The following GPHN variants were observed in gnomAD, a reference collection of about 807,000 sequenced individuals.
GPHN encodes gephyrin.
A neutral mutation model predicts 95.5 loss-of-function variants in GPHN; 17 were observed. The ratio of observed to expected loss-of-function variants is 0.18; its 90% confidence interval spans 0.12 to 0.27. GPHN has a LOEUF of 0.27. Ranked by LOEUF, GPHN falls within the 10% of genes least tolerant of loss-of-function variation. The probability of loss-of-function intolerance (pLI) is 1.00; values close to 1 mark genes in which losing one functional copy is unlikely to be tolerated. For missense variants in GPHN, 660 were observed against 978.1 expected (o/e 0.67, Z 4.34); for synonymous variants, 320 against 322.5 (o/e 0.99, Z 0.08).
At chr14:66,554,851 A>G (rs2059947828) in intron 1 of GPHN, among the ~76,000 whole-genome samples, 1 of 152,232 alleles carries the variant, frequency 6.6e-6, no homozygotes, top group Non-Finnish European at 1.5e-5. Flanking sequence ...GGTAGGTGAT[A>G]GGTACCTCCA....
At chr14:66,685,467 A>C (rs1041053939) in intron 2 of GPHN, among the ~76,000 whole-genome samples, 2 of 152,056 alleles carry the variant, frequency 1.3e-5, no homozygotes, top group African/African-American at 4.8e-5. Context: ...ATGGTATCTC[A>C]TTGTGGTTTT....
chr14:67,292,723 T>C, the GPHN span: 1 of 1,611,510 alleles, frequency 6.2e-7, no homozygotes, highest in South Asian at 1.1e-5. Context: ...TCAAGAGGTA[T>C]GTATTCTAAA....
the GPHN span, among the ~76,000 whole-genome samples, chr14:67,319,841 T>C: frequency 2.0e-5 from 3 of 152,230 alleles, no homozygotes; most frequent in Admixed American, 1.3e-4. Flanking sequence ...GTATACATTA[T>C]GTCTGATTCT....
chr14:66,912,477 A>C (rs1020188282), intron 5 of GPHN, among the ~76,000 whole-genome samples: 4 of 152,194 alleles, frequency 2.6e-5, no homozygotes, highest in Admixed American at 2.0e-4. Context: ...ATACATAAAC[A>C]AAAACAATGC....
At chr14:67,365,144 G>T in the GPHN span, 5 of 955,162 alleles carry the variant, frequency 5.2e-6, no homozygotes, top group Non-Finnish European at 7.4e-6. Context: ...ATACAAAGTT[G>T]TTAGAAAAGG....
chr14:67,463,670 C>G, the GPHN span, among the ~76,000 whole-genome samples: 2 of 145,314 alleles, frequency 1.4e-5, no homozygotes, highest in African/African-American at 2.6e-5. Flanking sequence ...AAAAAGATTG[C>G]TGTGCCGAGC....
chr14:67,592,443 TAA>T, the GPHN span: 9 of 554,294 alleles, frequency 1.6e-5, no homozygotes, highest in East Asian at 2.5e-4. Flanking sequence ...GTCTCTAAAA[TAA>T]AATAAAATGT....
At chr14:67,481,541 G>C in the GPHN span, among the ~76,000 whole-genome samples, 1 of 152,222 alleles carries the variant, frequency 6.6e-6, no homozygotes, top group African/African-American at 2.4e-5. Context: ...ATAGGAGACA[G>C]TGTCATTGGC....
intron 17 of GPHN, among the ~76,000 whole-genome samples, chr14:67,124,206 G>C (rs1446030231): frequency 6.6e-6 from 1 of 152,134 alleles, no homozygotes; most frequent in Non-Finnish European, 1.5e-5. Flanking sequence ...AGGAGTTTGA[G>C]ACCAGCCTGG....
At chr14:67,488,389 C>T in the GPHN span, 1 of 152,278 alleles carries the variant, frequency 6.6e-6, no homozygotes, top group African/African-American at 2.4e-5. Context: ...CCCTGGGTCT[C>T]CCCCCGGGGC....
chr14:67,605,793 C>T, the GPHN span, among the ~76,000 whole-genome samples: 1 of 152,002 alleles, frequency 6.6e-6, no homozygotes, highest in Non-Finnish European at 1.5e-5. Flanking sequence ...AGCAATCCTC[C>T]TGCCTCAGCC....
intron 2 of GPHN, among the ~76,000 whole-genome samples, chr14:66,710,150 A>G (rs1036871467): frequency 1.3e-5 from 2 of 152,228 alleles, no homozygotes; most frequent in South Asian, 2.1e-4. Flanking sequence ...TATTATTTCT[A>G]TAAATCACCC....
At chr14:67,571,799 G>A in the GPHN span, 3 of 1,613,942 alleles carry the variant, frequency 1.9e-6, no homozygotes, top group South Asian at 3.3e-5. Flanking sequence ...AGTCCTCTGG[G>A]TCTGACGATG....
the GPHN span, chr14:67,619,987 A>T: frequency 2.9e-4 from 470 of 1,602,552 alleles, 1 homozygote; most frequent in Admixed American, 2.2e-3. Context: ...CATGTCCCTA[A>T]GGGGCAGCCT....
chr14:67,716,196 CAAAA>C, the GPHN span, among the ~76,000 whole-genome samples: 1 of 108,712 alleles, frequency 9.2e-6, no homozygotes. Flanking sequence ...GACTCCGTCT[CAAAA>C]AAAAAAAAAA....
intron 1 of GPHN, among the ~76,000 whole-genome samples, chr14:66,546,323 A>T (rs925964026): frequency 6.6e-6 from 1 of 151,030 alleles, no homozygotes; most frequent in South Asian, 2.1e-4. Flanking sequence ...CACGTCCCAG[A>T]TGATGGGCGG....
intron 9 of GPHN, among the ~76,000 whole-genome samples, chr14:66,973,906 G>A (rs1393373276): frequency 6.6e-6 from 1 of 152,160 alleles, no homozygotes; most frequent in Admixed American, 6.5e-5. Flanking sequence ...AATTTTCACT[G>A]TTTTCTAAAA....
intron 1 of GPHN, among the ~76,000 whole-genome samples, chr14:66,608,623 C>G (rs1446957873): frequency 1.3e-5 from 2 of 152,040 alleles, no homozygotes; most frequent in Non-Finnish European, 2.9e-5. Context: ...CTATTGAGGT[C>G]TTTTTCTAGG....
At chr14:67,275,048 A>G in the GPHN span, among the ~76,000 whole-genome samples, 2 of 152,208 alleles carry the variant, frequency 1.3e-5, no homozygotes, top group Non-Finnish European at 2.9e-5. Flanking sequence ...CTAAATAGAC[A>G]ATCATGTCAT....
Sources: gnomAD v4.1 joint callset for allele counts (sites outside exome capture counted in the v4.1 genomes callset) on GRCh38, gnomAD v4.1.1 for gene constraint, MANE v1.5 for transcripts, NCBI Gene and HGNC (gene_info 2026-07-23, HGNC 2026-07-21) for gene names.